Variants in KLHL4 observed in about 807,000 individuals in gnomAD.
The protein encoded by KLHL4 is kelch like family member 4, also known as kelch-like protein 4.
A neutral mutation model predicts 45.8 loss-of-function variants in KLHL4; 17 were observed. The observed-to-expected ratio is 0.37, with a 90% CI of 0.25 to 0.56. The LOEUF (loss-of-function observed/expected upper bound fraction) is 0.56, where lower values mean the gene tolerates loss of function less well. KLHL4 is among the 20% of genes least tolerant of loss of function. The pLI is 0.79. For missense variants in KLHL4, 544 were observed against 544.9 expected, an observed-to-expected ratio of 1.00 and a Z score of 0.02; for synonymous variants, 224 against 189.9, an observed-to-expected ratio of 1.18 and a Z score of -1.47.
At position 87,667,546 on chromosome X, in the gene KLHL4, ACT is replaced by A. The variant is rs1328786440; in HGVS notation, c.*1013_*1014del. On this transcript the variant is annotated 3_prime_UTR_variant, in exon 11 of 11. Coordinates refer to ENST00000373119, the MANE Select transcript of KLHL4 (RefSeq NM_019117.5). ...TTGTACCAACACATGCTTTTCTGTT[ACT>A]GTTATATTATCCAGTAGAAAATGTT... 3.0e-6 allele frequency: 2 copies of A among 666,222 alleles called. No homozygotes were observed. The highest frequency in any genetic ancestry group is 4.9e-5 in the African/African-American group (2 of 41,097). 54.9% of individuals were successfully genotyped at this position (666,222 alleles called of 1,213,427 possible).
chrX:87,602,850 C>T (rs760806912), intron 1 of KLHL4, among the ~76,000 whole-genome samples: 2 of 111,897 alleles, frequency 1.8e-5, no homozygotes, highest in Non-Finnish European at 3.8e-5. Flanking sequence ...TAGTATTTAG[C>T]TTGCTTTTAG....
chrX:87,601,503 C>G (rs752809127), intron 1 of KLHL4, among the ~76,000 whole-genome samples: 21 of 111,748 alleles, frequency 1.9e-4, no homozygotes, highest in Non-Finnish European at 3.8e-4. Flanking sequence ...GCTGGTTAAA[C>G]TACCATTTTG....
chrX:87,621,499 T>G (rs1273487130), intron 4 of KLHL4, among the ~76,000 whole-genome samples: 5 of 92,841 alleles, frequency 5.4e-5, no homozygotes, highest in Non-Finnish European at 1.1e-4. Context: ...TTATTATTTT[T>G]TTTGAGAAGG....
chrX:87,552,643 A>C (rs1361791858), intron 1 of KLHL4, among the ~76,000 whole-genome samples: 1 of 110,704 alleles, frequency 9.0e-6, no homozygotes, highest in African/African-American at 3.3e-5. Context: ...AAAATTATGG[A>C]ATGAACCCAA....
intron 3 of KLHL4, among the ~76,000 whole-genome samples, chrX:87,617,357 A>C (rs1922592481): frequency 9.1e-6 from 1 of 110,482 alleles, no homozygotes; most frequent in Non-Finnish European, 1.9e-5. Flanking sequence ...GTAGATACAA[A>C]AAAAAAAGGC....
At chrX:87,631,635 C>G (rs766449383) in intron 6 of KLHL4, among the ~76,000 whole-genome samples, 1 of 111,656 alleles carries the variant, frequency 9.0e-6, no homozygotes, top group Non-Finnish European at 1.9e-5. Flanking sequence ...CCTCAGCCTC[C>G]CAAGTAGCTG....
chrX:87,607,764 T>C (rs1226219914), intron 1 of KLHL4, among the ~76,000 whole-genome samples: 1 of 111,393 alleles, frequency 9.0e-6, no homozygotes, highest in Non-Finnish European at 1.9e-5. Flanking sequence ...CAAAACTTGC[T>C]CCTCATTCTT....
At chrX:87,659,959 A>AGTGTGTGT (rs113545604) in intron 9 of KLHL4, among the ~76,000 whole-genome samples, 3,825 of 103,449 alleles carry the variant, frequency 0.037, 178 homozygotes, top group African/African-American at 0.13. Flanking sequence ...TGCGCGTATG[A>AGTGTGTGT]GTGTGTGTGT....
chrX:87,609,217 CAT>C (rs761127912), intron 1 of KLHL4, among the ~76,000 whole-genome samples: 9 of 112,075 alleles, frequency 8.0e-5, no homozygotes, highest in Admixed American at 1.9e-4. Context: ...CCGCAATAAA[CAT>C]ATGTGTGCAT....
intron 9 of KLHL4, 95 bp from the exon 10 acceptor site, chrX:87,664,669 T>C (rs1924305922): frequency 3.7e-6 from 2 of 545,952 alleles, no homozygotes; most frequent in African/African-American, 2.3e-5. Flanking sequence ...TTTAATCCTA[T>C]GTTTCAGATA....
intron 1 of KLHL4, among the ~76,000 whole-genome samples, chrX:87,577,133 C>G: frequency 8.9e-6 from 1 of 111,741 alleles, no homozygotes; most frequent in Non-Finnish European, 1.9e-5. Context: ...CATTAGATTA[C>G]AACATACAGA....
intron 1 of KLHL4, among the ~76,000 whole-genome samples, chrX:87,529,372 G>C (rs1173842980): frequency 9.0e-6 from 1 of 111,730 alleles, no homozygotes; most frequent in Non-Finnish European, 1.9e-5. Flanking sequence ...AGTCAAAATG[G>C]TGAAAAAGAA....
chrX:87,591,983 A>T (rs1372843892), intron 1 of KLHL4, among the ~76,000 whole-genome samples: 1 of 110,523 alleles, frequency 9.0e-6, no homozygotes, highest in Non-Finnish European at 1.9e-5. Context: ...GTGCCCATTA[A>T]CCATCCAAAC....
In KLHL4 at chrX:87,669,242, C is replaced by T. The variant is rs994125687; in HGVS notation, c.*2708C>T. 21 of 1,159,260 alleles carry T rather than the reference C, an allele frequency of 1.8e-5. No homozygotes were observed. Among genetic ancestry groups the T allele is most frequent in the Admixed American group, 2.5e-5 (1 of 40,129 alleles). The stretch of plus-strand genomic sequence containing the variant: ...GATTTTTTTCTATAATCACTATGAC[C>T]GTGTTCACGATTCCCTACTCTGCAA... On this transcript the variant is annotated 3_prime_UTR_variant, in exon 11 of 11. Transcript: ENST00000373119.
intron 1 of KLHL4, among the ~76,000 whole-genome samples, chrX:87,587,150 CAAAAAA>C (rs1197848253): frequency 8.4e-5 from 4 of 47,836 alleles, no homozygotes; most frequent in African/African-American, 3.3e-4. Context: ...TAAAATAAAG[CAAAAAA>C]AAAAAAAAAA....
chrX:87,661,953 A>G (rs1485900508), intron 9 of KLHL4, among the ~76,000 whole-genome samples: 2 of 111,612 alleles, frequency 1.8e-5, no homozygotes, highest in Non-Finnish European at 3.8e-5. Flanking sequence ...AATAGTATCA[A>G]CCGCGTAGGG....
intron 1 of KLHL4, among the ~76,000 whole-genome samples, chrX:87,537,549 T>A (rs1316495885): frequency 9.0e-6 from 1 of 110,807 alleles, no homozygotes; most frequent in Non-Finnish European, 1.9e-5. Context: ...CACATATACA[T>A]ACACACTTCT....
intron 1 of KLHL4, among the ~76,000 whole-genome samples, chrX:87,587,990 G>C (rs1458521326): frequency 2.7e-5 from 3 of 111,459 alleles, no homozygotes; most frequent in African/African-American, 9.8e-5. Context: ...AAAATCAGTA[G>C]CATTCCATAT....
chrX:87,668,124 C>T lies in KLHL4; in HGVS notation c.*1590C>T, dbSNP rs1924432522. 1.3e-6 allele frequency: 1 copy of T among 750,322 alleles called. No homozygotes were observed. Among genetic ancestry groups the T allele is most frequent in the African/African-American group, 2.3e-5 (1 of 43,257 alleles). 61.8% of individuals were successfully genotyped at this position (750,322 alleles called of 1,213,427 possible). On this transcript the variant is annotated 3_prime_UTR_variant, in exon 11 of 11. Coordinates refer to ENST00000373119, the MANE Select transcript of KLHL4 (RefSeq NM_019117.5). Reference sequence around the variant, plus strand: ...GCAGTTCTAGAGGTGAAGATAGAGACATAGAGAGGCTGTGAAACACACATA... The same window carrying T: ...GCAGTTCTAGAGGTGAAGATAGAGATATAGAGAGGCTGTGAAACACACATA...
Sources: gnomAD v4.1 joint callset for allele counts (sites outside exome capture counted in the v4.1 genomes callset) on GRCh38, gnomAD v4.1.1 for gene constraint, MANE v1.5 for transcripts, NCBI Gene and HGNC (gene_info 2026-07-23, HGNC 2026-07-21) for gene names.